Variants in MCUR1 observed in about 807,000 individuals in gnomAD.
MCUR1 encodes the protein mitochondrial calcium uniporter regulator 1.
In MCUR1, 37 loss-of-function variants were observed where a neutral mutation model predicts 42.0. That is an observed-to-expected ratio of 0.88 (90% CI 0.68 to 1.16). The LOEUF (loss-of-function observed/expected upper bound fraction) is 1.16, where lower values mean the gene tolerates loss of function less well. MCUR1 is among the 50% of genes most tolerant of loss of function. The probability of loss-of-function intolerance (pLI) is 0.00; values close to 1 mark genes in which losing one functional copy is unlikely to be tolerated. For synonymous variants in MCUR1, 229 were observed against 196.2 expected (o/e 1.17, Z -1.40); for missense variants, 469 against 468.4 (o/e 1.00, Z -0.01).
intron 1 of MCUR1, among the ~76,000 whole-genome samples, chr6:13,810,519 G>C (rs1219713169): frequency 6.6e-6 from 1 of 152,198 alleles, no homozygotes; most frequent in African/African-American, 2.4e-5. Context: ...AAAGGTCAAA[G>C]GTTTCCCCAG....
At position 13,789,484 on chromosome 6, in the gene MCUR1, G is replaced by C. The variant is rs1220442430; in HGVS notation, c.*1325C>G. 6.6e-6 allele frequency: 1 copy of C among 152,088 alleles called. No homozygotes were observed. The highest frequency in any genetic ancestry group is 1.5e-5 in the Non-Finnish European group (1 of 68,036). 9.4% of individuals were successfully genotyped at this position (152,088 alleles called of 1,614,324 possible). On this transcript the variant is annotated 3_prime_UTR_variant, in exon 9 of 9. Coordinates refer to ENST00000379170, the MANE Select transcript of MCUR1 (RefSeq NM_001031713.4). ...TTGTTTTCAATATAAAGGCAGGTAT[G>C]AGAATGTTTTGAACAACAGAATTAA...
chr6:13,794,068 C>A, intron 6 of MCUR1, 121 bp from the exon 7 acceptor site: 1 of 797,552 alleles, frequency 1.3e-6, no homozygotes, highest in Non-Finnish European at 2.1e-6. Flanking sequence ...AAAGTCACCT[C>A]TGGGATTAAG....
In MCUR1 at chr6:13,791,663, C is replaced by T. The variant is rs148126486; in HGVS notation, c.1024+215G>A. Among the ~76,000 whole-genome samples the T allele has an allele frequency of 1.3e-3, 198 of 152,160 alleles. 2 individuals carry two copies. Among genetic ancestry groups the T allele is most frequent in the African/African-American group, 4.6e-3 (190 of 41,516 alleles). The stretch of plus-strand genomic sequence containing the variant: ...AAATTTCCAATTCTATCAATTATAA[C>T]GTACACAATTACTTTATTTACTACT... On this transcript the variant is annotated intron_variant, in intron 8 of 8. Coordinates refer to ENST00000379170, the MANE Select transcript of MCUR1 (RefSeq NM_001031713.4).
intron 4 of MCUR1, among the ~76,000 whole-genome samples, 188 bp from the exon 5 acceptor site, chr6:13,800,570 G>A (rs146956186): frequency 1.2e-4 from 18 of 152,326 alleles, no homozygotes; most frequent in African/African-American, 4.3e-4. Flanking sequence ...TGAAGGCTAT[G>A]TAAAGTTAAC....
At chr6:13,794,638 G>GTT (rs11411080) in intron 6 of MCUR1, among the ~76,000 whole-genome samples, 8,012 of 143,606 alleles carry the variant, frequency 0.056, 264 homozygotes, top group Middle Eastern at 0.083. Flanking sequence ...CACATGTTGG[G>GTT]TTTTTTTTTT....
At chr6:13,812,788 T>C (rs1760264889) in intron 1 of MCUR1, among the ~76,000 whole-genome samples, 1 of 152,362 alleles carries the variant, frequency 6.6e-6, no homozygotes, top group East Asian at 1.9e-4. Context: ...CTAATGAATA[T>C]GTATAGACTG....
At chr6:13,798,311 C>T (rs907307828) in intron 6 of MCUR1, among the ~76,000 whole-genome samples, 22 of 151,910 alleles carry the variant, frequency 1.4e-4, no homozygotes, top group African/African-American at 4.6e-4. Context: ...TGGGCAGGCA[C>T]GCTGCCTCGA....
At chr6:13,797,339 A>G (rs1759877461) in intron 6 of MCUR1, among the ~76,000 whole-genome samples, 1 of 152,190 alleles carries the variant, frequency 6.6e-6, no homozygotes, top group Non-Finnish European at 1.5e-5. Context: ...ATTCAAATAA[A>G]GTCTGAGCAA....
intron 2 of MCUR1, among the ~76,000 whole-genome samples, chr6:13,802,796 T>C (rs1266849168): frequency 6.6e-6 from 1 of 152,256 alleles, no homozygotes; most frequent in Non-Finnish European, 1.5e-5. Flanking sequence ...TTTAATTTTA[T>C]AATGTGTACA....
chr6:13,812,928 C>T (rs907869322), intron 1 of MCUR1, among the ~76,000 whole-genome samples: 2 of 152,182 alleles, frequency 1.3e-5, no homozygotes, highest in Non-Finnish European at 2.9e-5. Flanking sequence ...TCTCTCACCT[C>T]CTTTAAATAG....
intron 6 of MCUR1, among the ~76,000 whole-genome samples, chr6:13,795,137 A>G (rs982990496): frequency 1.3e-5 from 2 of 150,220 alleles, no homozygotes; most frequent in Non-Finnish European, 3.0e-5. Flanking sequence ...AAAAAAAAAG[A>G]AAAAAAAGAG....
Position 13,793,940 on chromosome 6 carries a change from A to G in MCUR1, c.863T>C (p.Leu288Ser). The change falls in exon 7 of 9, where the codon TTG becomes TCG. Residue 288 changes from leucine (L) to serine (S), a missense_variant. Coordinates refer to ENST00000379170, the MANE Select transcript of MCUR1 (RefSeq NM_001031713.4). ...CAATTCCAGCAGCTTCTTTTCGTTC[A>G]ATGAATACTGAAATAAACACGTAAC... ...EKSRVKELYS[L>S]NEKKLLELRT... The G allele has an allele frequency of 1.9e-6, 3 of 1,613,644 alleles. No individual in the cohort carries two copies. The highest frequency in any genetic ancestry group is 2.5e-6 in the Non-Finnish European group (3 of 1,179,916).
In MCUR1 at chr6:13,788,715, G is replaced by A. The variant is rs1312443318; in HGVS notation, c.*2094C>T. The stretch of plus-strand genomic sequence containing the variant: ...TCTGGGGACTTCTCTCTGAAAGGGG[G>A]ATGATATATTGATAAAATATTTTAT... On this transcript the variant is annotated 3_prime_UTR_variant, in exon 9 of 9. Transcript: ENST00000379170. The A allele has an allele frequency of 2.0e-5, 3 of 152,136 alleles. No individual in the cohort carries two copies. The highest frequency in any genetic ancestry group is 4.4e-5 in the Non-Finnish European group (3 of 68,020). 9.4% of individuals were successfully genotyped at this position (152,136 alleles called of 1,614,324 possible). A position where few individuals can be genotyped will look rare whatever the true frequency, so the allele number is the denominator to read the frequency against.
intron 1 of MCUR1, among the ~76,000 whole-genome samples, chr6:13,810,675 A>G (rs1760212839): frequency 6.6e-6 from 1 of 152,192 alleles, no homozygotes; most frequent in Non-Finnish European, 1.5e-5. Context: ...GCTGCAGCCT[A>G]TGGGAGTTGT....
At chr6:13,813,698 G>C (rs1257718975) in intron 1 of MCUR1, among the ~76,000 whole-genome samples, 1 of 152,226 alleles carries the variant, frequency 6.6e-6, no homozygotes, top group African/African-American at 2.4e-5. Context: ...CTGCCAAACA[G>C]AACTCCTGGA....
chr6:13,798,819 G>A lies in MCUR1; in HGVS notation c.855+14C>T, dbSNP rs1759913827. The A allele has an allele frequency of 1.2e-6, 2 of 1,600,050 alleles. No individual in the cohort carries two copies. Among genetic ancestry groups the A allele is most frequent in the Admixed American group, 1.7e-5 (1 of 59,208 alleles). ...TAAATTAATTCATAATGTGTTTTTAGTAAAGGAACGTACCAATTCTTTTAC... is the reference window on the plus strand; with the variant it reads ...TAAATTAATTCATAATGTGTTTTTAATAAAGGAACGTACCAATTCTTTTAC... On this transcript the variant is annotated intron_variant, in intron 6 of 8. Transcript: ENST00000379170.
At chr6:13,808,385 T>G (rs1760157171) in intron 1 of MCUR1, among the ~76,000 whole-genome samples, 2 of 152,226 alleles carry the variant, frequency 1.3e-5, no homozygotes, top group South Asian at 4.1e-4. Context: ...TCTTCATATA[T>G]TCTAGATACA....
intron 1 of MCUR1, among the ~76,000 whole-genome samples, chr6:13,812,439 G>A (rs560676453): frequency 3.3e-5 from 5 of 152,300 alleles, no homozygotes; most frequent in South Asian, 4.1e-4. Flanking sequence ...TTACCGATTG[G>A]TCAGCAAATC....
At chr6:13,799,119 G>T (rs1759928460) in intron 5 of MCUR1, among the ~76,000 whole-genome samples, 1 of 152,096 alleles carries the variant, frequency 6.6e-6, no homozygotes, top group African/African-American at 2.4e-5. Flanking sequence ...CCTGTCCCAG[G>T]ACTTCCCAGT....
Sources: gnomAD v4.1 joint callset for allele counts (sites outside exome capture counted in the v4.1 genomes callset) on GRCh38, gnomAD v4.1.1 for gene constraint, MANE v1.5 for transcripts, NCBI Gene and HGNC (gene_info 2026-07-23, HGNC 2026-07-21) for gene names.